TANC1: variants seen among roughly 807,000 people sequenced by gnomAD.
TANC1 encodes tetratricopeptide repeat, ankyrin repeat and coiled-coil containing 1.
TANC1 carries 77 observed loss-of-function variants against 149.7 expected under a neutral mutation model. That is an observed-to-expected ratio of 0.51 (90% confidence interval 0.43 to 0.62). TANC1 has a LOEUF of 0.62. Ranked by LOEUF, TANC1 falls within the 20% of genes least tolerant of loss-of-function variation. TANC1 has a pLI of 0.00. For synonymous variants in TANC1, 854 were observed against 925.0 expected, an observed-to-expected ratio of 0.92 and a Z score of 1.39; for missense variants, 1,985 against 2,321.8, an observed-to-expected ratio of 0.85 and a Z score of 2.98.
At chr2:159,051,285 A>G (rs2041444249) in intron 2 of TANC1, among the ~76,000 whole-genome samples, 1 of 152,220 alleles carries the variant, frequency 6.6e-6, no homozygotes, top group Non-Finnish European at 1.5e-5. Flanking sequence ...TGGAAAAAGT[A>G]GCTTCTGCAA....
At chr2:159,037,063 G>A (rs1252349155) in intron 2 of TANC1, among the ~76,000 whole-genome samples, 6 of 152,212 alleles carry the variant, frequency 3.9e-5, no homozygotes, top group Admixed American at 1.3e-4. Context: ...TAACTGGTGT[G>A]AGATGGTATC....
At chr2:159,161,938 T>C (rs942716409) in intron 7 of TANC1, among the ~76,000 whole-genome samples, 3 of 152,246 alleles carry the variant, frequency 2.0e-5, no homozygotes, top group Admixed American at 6.5e-5. Flanking sequence ...TGTGCTGTGC[T>C]ATTCAGAAAA....
intron 3 of TANC1, among the ~76,000 whole-genome samples, chr2:159,089,010 AAG>A (rs2045251722): frequency 6.6e-6 from 1 of 152,170 alleles, no homozygotes; most frequent in Non-Finnish European, 1.5e-5. Context: ...GGCTTATCAA[AAG>A]AGAAAAGATG....
rs141011782 is a variant in TANC1 at position 159,019,278 on chromosome 2, C to G, written c.-16+18089C>G. ...CCACGCAGTGAGCTGAAGGAAGCAG[C>G]CAGCGATCTTCAGCCCGTGTTAGGA... On this transcript the variant is annotated intron_variant, in intron 2 of 26. Transcript: ENST00000263635. 1.1e-3 allele frequency among the ~76,000 whole-genome samples: 169 copies of G among 152,298 alleles called. 1 individual carries two copies. The highest frequency in any genetic ancestry group is 3.9e-3 in the African/African-American group (161 of 41,558).
intron 1 of TANC1, among the ~76,000 whole-genome samples, chr2:158,989,856 C>T (rs1210480954): frequency 1.3e-5 from 2 of 151,816 alleles, no homozygotes; most frequent in Admixed American, 1.3e-4. Context: ...AATTCCAGCC[C>T]TCCTCTAATG....
intron 2 of TANC1, among the ~76,000 whole-genome samples, chr2:159,060,786 T>G (rs2042180221): frequency 6.6e-6 from 1 of 152,236 alleles, no homozygotes; most frequent in African/African-American, 2.4e-5. Context: ...CTGCTAGTAC[T>G]CTTCTATGAT....
intron 16 of TANC1, among the ~76,000 whole-genome samples, chr2:159,193,133 T>G (rs1236217672): frequency 6.6e-6 from 1 of 152,204 alleles, no homozygotes; most frequent in Non-Finnish European, 1.5e-5. Flanking sequence ...CAACTCTCAT[T>G]TCCCCTGTGC....
chr2:159,087,996 A>G (rs1217899272), intron 3 of TANC1, among the ~76,000 whole-genome samples: 2 of 151,526 alleles, frequency 1.3e-5, no homozygotes, highest in Non-Finnish European at 2.9e-5. Flanking sequence ...CACACCAGAA[A>G]GGAAGAGAAA....
chr2:159,194,593 C>A, intron 17 of TANC1, 100 bp downstream of exon 17: 1 of 1,037,920 alleles, frequency 9.6e-7, no homozygotes, highest in Non-Finnish European at 1.5e-6. Flanking sequence ...GTCTCTGAAA[C>A]CACAGCATAC....
chr2:159,098,549 A>G (rs1404790115), intron 4 of TANC1, among the ~76,000 whole-genome samples: 2 of 152,220 alleles, frequency 1.3e-5, no homozygotes, highest in African/African-American at 4.8e-5. Context: ...TCTATTTATT[A>G]CTACCTAGTA....
intron 4 of TANC1, among the ~76,000 whole-genome samples, chr2:159,113,531 A>T (rs1367644551): frequency 2.6e-5 from 4 of 152,242 alleles, no homozygotes; most frequent in African/African-American, 9.6e-5. Context: ...ATATGTTGGA[A>T]GAATGCTGCC....
At chr2:159,045,803 C>G (rs191780930) in intron 2 of TANC1, among the ~76,000 whole-genome samples, 1 of 152,146 alleles carries the variant, frequency 6.6e-6, no homozygotes, top group African/African-American at 2.4e-5. Flanking sequence ...TAATTCATAT[C>G]GTAAAACTAT....
intron 20 of TANC1, 40 bp downstream of exon 20, chr2:159,217,670 G>C (rs2288107): frequency 0.084 from 134,452 of 1,608,526 alleles, 8,142 homozygotes; most frequent in East Asian, 0.24. Context: ...AGCAATGAGT[G>C]GGGATGGAGT....
intron 2 of TANC1, among the ~76,000 whole-genome samples, chr2:159,017,915 T>C (rs2038440069): frequency 6.6e-6 from 1 of 152,168 alleles, no homozygotes; most frequent in African/African-American, 2.4e-5. Context: ...AGTGGCAGCA[T>C]GTAGAAATGT....
intron 3 of TANC1, among the ~76,000 whole-genome samples, chr2:159,089,600 G>A (rs115036686): frequency 0.016 from 2,404 of 152,150 alleles, 26 homozygotes; most frequent in Non-Finnish European, 0.023. Flanking sequence ...TGTTTTCCTA[G>A]TGCTTTGGAT....
intron 1 of TANC1, among the ~76,000 whole-genome samples, chr2:158,991,364 G>A (rs1454380068): frequency 6.6e-6 from 1 of 152,150 alleles, no homozygotes; most frequent in Non-Finnish European, 1.5e-5. Flanking sequence ...GAATGCAGAT[G>A]TTAAAAGAAT....
chr2:159,104,272 C>T lies in TANC1; in HGVS notation c.259+6438C>T, dbSNP rs1186920531. 2.1e-5 allele frequency among the ~76,000 whole-genome samples: 2 copies of T among 95,388 alleles called. 1 individual carries two copies. Among genetic ancestry groups the T allele is most frequent in the African/African-American group, 5.8e-5 (2 of 34,426 alleles). The allele number at this position is 95,388 out of a possible 152,430, so 62.6% of individuals were successfully genotyped here. A position where few individuals can be genotyped will look rare whatever the true frequency, so the allele number is the denominator to read the frequency against. On this transcript the variant is annotated intron_variant, in intron 4 of 26. Coordinates refer to ENST00000263635, the MANE Select transcript of TANC1 (RefSeq NM_033394.3). ...TAGAACCAGTGTGCATGCATTTGCTCCACTTCAAGTCCATTTATTCCCCTG... is the reference window on the plus strand; with the variant it reads ...TAGAACCAGTGTGCATGCATTTGCTTCACTTCAAGTCCATTTATTCCCCTG...
At chr2:159,146,837 G>A (rs532063813) in intron 5 of TANC1, among the ~76,000 whole-genome samples, 8 of 151,992 alleles carry the variant, frequency 5.3e-5, no homozygotes, top group South Asian at 2.1e-4. Context: ...CACCGCACCC[G>A]GCTTAGGTGT....
chr2:159,026,673 A>G (rs1209601789), intron 2 of TANC1, among the ~76,000 whole-genome samples: 2 of 152,080 alleles, frequency 1.3e-5, no homozygotes. Context: ...AGCCTGGTAC[A>G]TGCTGCTAGT....
Sources: allele counts gnomAD v4.1 joint callset (sites outside exome capture counted in the v4.1 genomes callset), GRCh38; gene constraint gnomAD v4.1.1; transcripts MANE v1.5; gene names NCBI Gene and HGNC (gene_info 2026-07-23, HGNC 2026-07-21).